Variants in DIP2C observed in about 807,000 individuals in gnomAD.
The protein encoded by DIP2C is disco-interacting protein 2 homolog C.
DIP2C carries 33 observed loss-of-function variants against 192.4 expected under a neutral mutation model. That is an observed-to-expected ratio of 0.17 (90% confidence interval 0.13 to 0.23). The LOEUF is 0.23. DIP2C is among the 10% of genes least tolerant of loss of function. The probability of loss-of-function intolerance (pLI) is 1.00; values close to 1 mark genes in which losing one functional copy is unlikely to be tolerated. For synonymous variants in DIP2C, 979 were observed against 864.1 expected (o/e 1.13, Z -2.33); for missense variants, 1,537 against 2,110.1 (o/e 0.73, Z 5.32).
intron 31 of DIP2C, among the ~76,000 whole-genome samples, chr10:316,257 T>C (rs1956768369): frequency 6.6e-6 from 1 of 152,212 alleles, no homozygotes; most frequent in Non-Finnish European, 1.5e-5. Flanking sequence ...ACGAAGATTG[T>C]ATTTAAAAGA....
Position 674,789 on chromosome 10 carries a change from T to TATATATATATATATATAGAGAGAG in DIP2C, c.85+14704_85+14705insCTCTCTCTATATATATATATATAT. ...CATCTCAAATATATATATATATATA[T>TATATATATATATATATAGAGAGAG]AGAGAGAGAGAGAGAGAGAGAGAGA... On this transcript the variant is annotated intron_variant, in intron 1 of 36. Transcript: ENST00000280886. Among the ~76,000 whole-genome samples, 19 of 62,482 alleles carry TATATATATATATATATAGAGAGAG rather than the reference T, an allele frequency of 3.0e-4. 1 individual carries two copies. The highest frequency in any genetic ancestry group is 1.3e-3 in the African/African-American group (14 of 11,060). The allele number at this position is 62,482 out of a possible 152,430, so 41.0% of individuals were successfully genotyped here.
intron 1 of DIP2C, among the ~76,000 whole-genome samples, chr10:632,687 G>C (rs11253288): frequency 0.021 from 834 of 39,310 alleles, 6 homozygotes; most frequent in African/African-American, 0.066. Context: ...GGCCAGCACC[G>C]TAACTGGAGA....
At chr10:314,424 A>G (rs1169339754) in intron 31 of DIP2C, among the ~76,000 whole-genome samples, 4 of 152,154 alleles carry the variant, frequency 2.6e-5, no homozygotes, top group Admixed American at 1.3e-4. Context: ...CAGCTTCCAG[A>G]GTGCTCTTCC....
chr10:406,428 CTT>C (rs1236383798), intron 9 of DIP2C, among the ~76,000 whole-genome samples: 3 of 152,178 alleles, frequency 2.0e-5, no homozygotes, highest in African/African-American at 7.2e-5. Flanking sequence ...AACCTTTCTG[CTT>C]TTGTTTCTCT....
chr10:305,416 TCTG>T (rs1412305781), intron 32 of DIP2C, among the ~76,000 whole-genome samples: 1 of 51,630 alleles, frequency 1.9e-5, no homozygotes, highest in Non-Finnish European at 6.9e-5. Flanking sequence ...CTCCCTCCAT[TCTG>T]CTGCTAAGTC....
chr10:616,660 C>A lies in DIP2C; in HGVS notation c.85+72834G>T, dbSNP rs187980248. ...CCACGTGTGCGTGGAGAGCAGAGTG[C>A]GGGAAGGACCACAGTGGACATTCTA... On this transcript the variant is annotated intron_variant, in intron 1 of 36. Transcript: ENST00000280886. Among the ~76,000 whole-genome samples, 5 of 152,306 alleles carry A rather than the reference C, an allele frequency of 3.3e-5. No individual in the cohort carries two copies. In the East Asian group the frequency reaches 9.6e-4, roughly 29 times the overall value.
chr10:303,263 A>T (rs970618164), intron 32 of DIP2C, among the ~76,000 whole-genome samples: 3 of 152,068 alleles, frequency 2.0e-5, no homozygotes, highest in Middle Eastern at 3.4e-3. Context: ...ATGAGGCTGT[A>T]GATTGATCAA....
In DIP2C at chr10:327,105, G is replaced by C. The variant is rs1451717102; in HGVS notation, c.3825C>G (p.Leu1275=). 5 of 1,614,186 alleles carry C rather than the reference G, an allele frequency of 3.1e-6. No individual in the cohort carries two copies. ...TAAACAGCTTTGAGAACGACTGTGTGAGTGCGATCCGAGGCCTCTCTTCCG... is the reference window on the plus strand; with the variant it reads ...TAAACAGCTTTGAGAACGACTGTGTCAGTGCGATCCGAGGCCTCTCTTCCG... ...VVAEERPRIA[L]TQSFSKLFKD... is the part of the protein sequence containing the mutation. Residue 1275 remains leucine (L), a synonymous_variant, in exon 31 of 37, where the codon CTC becomes CTG. Transcript: ENST00000280886.
chr10:576,451 G>A lies in DIP2C; in HGVS notation c.86-89921C>T, dbSNP rs995242391. Among the ~76,000 whole-genome samples, 26 of 152,318 alleles carry A rather than the reference G, an allele frequency of 1.7e-4. No individual in the cohort carries two copies. In the East Asian group the frequency reaches 4.6e-3, roughly 27 times the overall value. On this transcript the variant is annotated intron_variant, in intron 1 of 36. Coordinates refer to ENST00000280886, the MANE Select transcript of DIP2C (RefSeq NM_014974.3). ...CCCACAAGTCCCGTATCTAAGCCCTGACTTGCCCATCCGGCATTCCTTCAG... is the reference window on the plus strand; with the variant it reads ...CCCACAAGTCCCGTATCTAAGCCCTAACTTGCCCATCCGGCATTCCTTCAG...
At chr10:667,341 T>A (rs1006321871) in intron 1 of DIP2C, 11 of 152,330 alleles carry the variant, frequency 7.2e-5, no homozygotes, top group African/African-American at 1.7e-4. Context: ...TGAGGCCTCC[T>A]GGGGAGGGGC....
chr10:283,312 C>T lies in DIP2C; in HGVS notation c.4254G>A (p.Leu1418=). 1 of 1,614,030 alleles carries T rather than the reference C, an allele frequency of 6.2e-7. No homozygotes were observed. Among genetic ancestry groups the T allele is most frequent in the Non-Finnish European group, 8.5e-7 (1 of 1,179,946 alleles). ...TGAGCTCAGTTCTCCGCAGGAACCC[C>T]AAGTAGCCTGTGCGTGCCCAGATGG... is the stretch of plus-strand genomic sequence containing the variant. ...TQTIWARTGY[L]GFLRRTELTD... The change falls in exon 35 of 37, where the codon TTG becomes TTA. Residue 1418 remains leucine (L), a synonymous_variant. Coordinates refer to ENST00000280886, the MANE Select transcript of DIP2C (RefSeq NM_014974.3).
intron 1 of DIP2C, among the ~76,000 whole-genome samples, chr10:580,088 C>A (rs1850509409): frequency 6.6e-6 from 1 of 152,124 alleles, no homozygotes; most frequent in Non-Finnish European, 1.5e-5. Context: ...ATAGCATACA[C>A]ATGCACATTT....
intron 22 of DIP2C, among the ~76,000 whole-genome samples, chr10:360,495 C>T (rs773668474): frequency 9.9e-5 from 15 of 152,210 alleles, no homozygotes; most frequent in Non-Finnish European, 1.9e-4. Flanking sequence ...AATATCCTAC[C>T]ATGCAATGCT....
intron 4 of DIP2C, among the ~76,000 whole-genome samples, chr10:427,672 T>C (rs374170428): frequency 1.4e-4 from 22 of 152,358 alleles, no homozygotes; most frequent in African/African-American, 5.0e-4. Context: ...TAAAAGATGC[T>C]TAGCATCATT....
chr10:316,298 G>GGGGGT (rs1956770352), intron 31 of DIP2C, among the ~76,000 whole-genome samples: 1 of 152,186 alleles, frequency 6.6e-6, no homozygotes, highest in African/African-American at 2.4e-5. Context: ...TTTACCCCCA[G>GGGGGT]AAAAGAATTT....
At chr10:324,881 C>T (rs762112318) in intron 31 of DIP2C, 12 of 520,894 alleles carry the variant, frequency 2.3e-5, no homozygotes, top group East Asian at 5.5e-5. Flanking sequence ...CCCTTTCCTG[C>T]GCTGTTTTTC....
chr10:535,996 G>C (rs563821567), intron 1 of DIP2C, among the ~76,000 whole-genome samples: 5 of 152,324 alleles, frequency 3.3e-5, no homozygotes, highest in Admixed American at 6.5e-5. Flanking sequence ...ATTTTCAGAT[G>C]GATGGTACGT....
At chr10:533,485 C>A (rs1847530628) in intron 1 of DIP2C, among the ~76,000 whole-genome samples, 1 of 152,084 alleles carries the variant, frequency 6.6e-6, no homozygotes, top group Non-Finnish European at 1.5e-5. Context: ...GTTTATTCTT[C>A]TAAATAGGTT....
chr10:292,315 G>A (rs1955532682), intron 32 of DIP2C, among the ~76,000 whole-genome samples: 1 of 152,218 alleles, frequency 6.6e-6, no homozygotes, highest in Non-Finnish European at 1.5e-5. Flanking sequence ...CAATTTAACT[G>A]TGTGTCTGAA....
Sources: allele counts gnomAD v4.1 joint callset (sites outside exome capture counted in the v4.1 genomes callset), GRCh38; gene constraint gnomAD v4.1.1; transcripts MANE v1.5; gene names NCBI Gene and HGNC (gene_info 2026-07-23, HGNC 2026-07-21).